ASB3: variants seen among roughly 807,000 people sequenced by gnomAD.
ASB3 encodes the protein ankyrin repeat and SOCS box protein 3.
ASB3 carries 41 observed loss-of-function variants against 54.5 expected under a neutral mutation model. That is an observed-to-expected ratio of 0.75 (90% CI 0.59 to 0.98). The LOEUF is 0.98. ASB3 is among the 50% of genes least tolerant of loss of function. The pLI is 0.00. For synonymous variants in ASB3, 266 were observed against 221.2 expected (o/e 1.20, Z -1.80); for missense variants, 733 against 620.0 (o/e 1.18, Z -1.94).
chr2:53,757,556 T>C (rs1672904841), intron 2 of ASB3, among the ~76,000 whole-genome samples: 1 of 152,246 alleles, frequency 6.6e-6, no homozygotes, highest in Non-Finnish European at 1.5e-5. Context: ...CTTCTGAATC[T>C]ACTTCCTCCG....
At chr2:53,731,832 T>C (rs1165178071) in intron 3 of ASB3, among the ~76,000 whole-genome samples, 2 of 152,148 alleles carry the variant, frequency 1.3e-5, no homozygotes, top group Non-Finnish European at 2.9e-5. Flanking sequence ...TTTGGTATTT[T>C]TGTAGAGATA....
intron 1 of ASB3, among the ~76,000 whole-genome samples, chr2:53,766,042 T>C (rs1673431762): frequency 2.6e-5 from 4 of 152,092 alleles, no homozygotes; most frequent in Admixed American, 1.3e-4. Flanking sequence ...TACAGCCCTC[T>C]ATAGGAAACA....
chr2:53,685,890 C>T (rs1668606408), intron 9 of ASB3, among the ~76,000 whole-genome samples: 1 of 152,204 alleles, frequency 6.6e-6, no homozygotes, highest in African/African-American at 2.4e-5. Flanking sequence ...TAAAATTCCA[C>T]AATCTCCAAT....
Position 53,670,326 on chromosome 2 carries a change from A to T in ASB3, c.*177T>A. 7.1e-6 allele frequency: 2 copies of T among 281,138 alleles called. No individual in the cohort carries two copies. The highest frequency in any genetic ancestry group is 2.5e-5 in the African/African-American group (1 of 40,146). 17.4% of individuals were successfully genotyped at this position (281,138 alleles called of 1,614,324 possible). A position where few individuals can be genotyped will look rare whatever the true frequency, so the allele number is the denominator to read the frequency against. ...TTTTTTTTTTTTTTTTTTACTGGGA[A>T]GGCTAGTTGTAAACATAAACATTCT... On this transcript the variant is annotated 3_prime_UTR_variant, in exon 10 of 10. Coordinates refer to ENST00000263634, the MANE Select transcript of ASB3 (RefSeq NM_016115.5).
chr2:53,718,155 G>A (rs1670500895), intron 5 of ASB3, among the ~76,000 whole-genome samples: 1 of 152,182 alleles, frequency 6.6e-6, no homozygotes, highest in South Asian at 2.1e-4. Context: ...AATCTTGCCA[G>A]AGAGGAAGAC....
intron 5 of ASB3, among the ~76,000 whole-genome samples, chr2:53,726,985 A>C (rs1046961064): frequency 1.3e-5 from 2 of 152,092 alleles, no homozygotes; most frequent in African/African-American, 4.8e-5. Context: ...AAACACTAAT[A>C]ATTGAAACTT....
intron 3 of ASB3, among the ~76,000 whole-genome samples, chr2:53,741,918 T>C (rs576687465): frequency 1.8e-4 from 28 of 152,272 alleles, no homozygotes; most frequent in African/African-American, 6.7e-4. Flanking sequence ...AGAATGACGA[T>C]CAATCCTGGG....
At chr2:53,746,991 T>A (rs1449458419) in intron 3 of ASB3, among the ~76,000 whole-genome samples, 2 of 152,176 alleles carry the variant, frequency 1.3e-5, no homozygotes, top group Non-Finnish European at 2.9e-5. Flanking sequence ...TTTACTGGTT[T>A]GAATTATCTC....
chr2:53,782,029 C>G (rs756107925), intron 1 of ASB3, among the ~76,000 whole-genome samples: 2 of 152,064 alleles, frequency 1.3e-5, no homozygotes, highest in African/African-American at 4.8e-5. Flanking sequence ...AAAAAATTAG[C>G]TAGGCAGGCT....
chr2:53,691,687 C>G (rs1212821755), intron 9 of ASB3, among the ~76,000 whole-genome samples: 2 of 151,992 alleles, frequency 1.3e-5, no homozygotes, highest in Non-Finnish European at 2.9e-5. Context: ...ATTGAGTATC[C>G]TAAAAACTGA....
chr2:53,729,550 C>G lies in ASB3; in HGVS notation c.376G>C (p.Asp126His), dbSNP rs1671186288. 4 of 1,613,648 alleles carry G rather than the reference C, an allele frequency of 2.5e-6. No homozygotes were observed. In the South Asian group the frequency reaches 4.4e-5, roughly 18 times the overall value. The change falls in exon 4 of 10, where the codon GAT becomes CAT. Residue 126 changes from aspartate (D) to histidine (H), a missense_variant. Asp to His is a moderately conservative substitution (Grantham distance 81). Coordinates refer to ENST00000263634, the MANE Select transcript of ASB3 (RefSeq NM_016115.5). ...TGTTGAAGCAACAGCCTTAACACATCTATCTGTCCATTTTCAACAGCTGTA... is the reference window on the plus strand; with the variant it reads ...TGTTGAAGCAACAGCCTTAACACATGTATCTGTCCATTTTCAACAGCTGTA... ...LFLAVENGQI[D>H]VLRLLLQHGA...
chr2:53,733,812 G>C (rs1671461592), intron 3 of ASB3, among the ~76,000 whole-genome samples: 3 of 152,024 alleles, frequency 2.0e-5, no homozygotes, highest in Non-Finnish European at 4.4e-5. Context: ...GGAAATCAGG[G>C]GTCTCACAGC....
Position 53,670,661 on chromosome 2 carries a change from G to T in ASB3, c.1399C>A (p.Arg467Ser). The change falls in exon 10 of 10, where the codon CGT (arginine) becomes AGT (serine). Residue 467 changes from arginine to serine, a missense_variant. Physicochemically the swap from Arg to Ser is moderately radical, Grantham distance 110. Coordinates refer to ENST00000263634, the MANE Select transcript of ASB3 (RefSeq NM_016115.5). ...TTTAGACTGGACCGAATTTCCAAACGACAAAGATGGGTCAGGGATGGAACA... is the reference window on the plus strand; with the variant it reads ...TTTAGACTGGACCGAATTTCCAAACTACAAAGATGGGTCAGGGATGGAACA... The part of the protein sequence containing the change: ...ATVPSLTHLC[R>S]LEIRSSLKSE... 6.2e-7 allele frequency: 1 copy of T among 1,613,676 alleles called. No homozygotes were observed. The highest frequency in any genetic ancestry group is 1.1e-5 in the South Asian group (1 of 91,010).
intron 7 of ASB3, among the ~76,000 whole-genome samples, chr2:53,713,898 G>GTGAGA: frequency 6.6e-6 from 1 of 151,970 alleles, no homozygotes; most frequent in Non-Finnish European, 1.5e-5. Flanking sequence ...GGGCCACAGA[G>GTGAGA]TGAGACCCTG....
In ASB3 at chr2:53,711,633, G is replaced by A. The variant is rs1026576045; in HGVS notation, c.980+2751C>T. Among the ~76,000 whole-genome samples, 8 of 152,180 alleles carry A rather than the reference G, an allele frequency of 5.3e-5. No individual in the cohort carries two copies. The South Asian group carries it at 1.2e-3, about 24-fold the overall frequency. ...CTTTTAAAATACAAAAAGTAGCTGA[G>A]CATGGTGGCACATGCCTACAATCCC... On this transcript the variant is annotated intron_variant, in intron 7 of 9. Coordinates refer to ENST00000263634, the MANE Select transcript of ASB3 (RefSeq NM_016115.5).
intron 6 of ASB3, among the ~76,000 whole-genome samples, chr2:53,715,585 A>T (rs558379088): frequency 6.6e-6 from 1 of 152,308 alleles, no homozygotes; most frequent in East Asian, 1.9e-4. Context: ...TTATGTTTAA[A>T]TAAATGATCA....
chr2:53,706,697 G>GCCCT (rs1401371540), intron 7 of ASB3, among the ~76,000 whole-genome samples: 1 of 152,070 alleles, frequency 6.6e-6, no homozygotes, highest in Non-Finnish European at 1.5e-5. Context: ...CGCCCACCTT[G>GCCCT]CCCTCCCAAG....
intron 1 of ASB3, chr2:53,774,109 T>C (rs1674153914): frequency 6.5e-7 from 1 of 1,547,244 alleles, no homozygotes; most frequent in Admixed American, 2.1e-5. Flanking sequence ...ATTAGCCTTA[T>C]AATACCAGTG....
At chr2:53,690,781 C>T (rs1315413910) in intron 9 of ASB3, among the ~76,000 whole-genome samples, 1 of 151,494 alleles carries the variant, frequency 6.6e-6, no homozygotes, top group African/African-American at 2.4e-5. Flanking sequence ...ATTATATAAA[C>T]TGTTTTAAAT....
Sources: allele counts gnomAD v4.1 joint callset (sites outside exome capture counted in the v4.1 genomes callset), GRCh38; gene constraint gnomAD v4.1.1; transcripts MANE v1.5; gene names NCBI Gene and HGNC (gene_info 2026-07-23, HGNC 2026-07-21).